The following PLCL1 variants were observed in gnomAD, a reference collection of about 807,000 sequenced individuals.
PLCL1 encodes the protein inactive phospholipase C-like protein 1.
PLCL1 carries 41 observed loss-of-function variants against 84.4 expected under a neutral mutation model. The observed-to-expected ratio is 0.49, with a 90% CI of 0.38 to 0.63. The LOEUF is 0.63. Among genes scored for constraint, PLCL1 ranks in the 30% least tolerant of loss-of-function variants. The pLI is 0.00. For missense variants in PLCL1, 1,206 were observed against 1,367.8 expected (o/e 0.88, Z 1.87); for synonymous variants, 490 against 488.3 (o/e 1.00, Z -0.05).
chr2:197,859,939 A>T (rs956140451), intron 1 of PLCL1, among the ~76,000 whole-genome samples: 7 of 152,124 alleles, frequency 4.6e-5, no homozygotes, highest in African/African-American at 1.7e-4. Flanking sequence ...AACTTGTGTC[A>T]CAGGGGTTTG....
chr2:197,940,060 T>C (rs1001026576), intron 1 of PLCL1, among the ~76,000 whole-genome samples: 2 of 152,228 alleles, frequency 1.3e-5, no homozygotes, highest in African/African-American at 2.4e-5. Flanking sequence ...AATATGTGTT[T>C]CTTAACTGTA....
intron 1 of PLCL1, among the ~76,000 whole-genome samples, chr2:197,971,060 C>T (rs866059713): frequency 6.6e-6 from 1 of 152,316 alleles, no homozygotes; most frequent in Non-Finnish European, 1.5e-5. Flanking sequence ...TTAGCAAGGT[C>T]ACTCCTTATG....
At chr2:197,955,577 C>T (rs559121548) in intron 1 of PLCL1, among the ~76,000 whole-genome samples, 1 of 151,304 alleles carries the variant, frequency 6.6e-6, no homozygotes, top group African/African-American at 2.4e-5. Context: ...TGTGTTGTTC[C>T]CCTCTCTGTG....
In PLCL1 at chr2:197,804,819, C is replaced by A; in HGVS notation, c.-281C>A. ...GGATACCTCCCTCTCTTTTTCGCCT[C>A]TCCTTCTGCCTCCCGCTCACATCGC... On this transcript the variant is annotated 5_prime_UTR_variant, in exon 1 of 6. Coordinates refer to ENST00000428675, the MANE Select transcript of PLCL1 (RefSeq NM_006226.4). The A allele has an allele frequency of 2.8e-6, 1 of 361,364 alleles. No individual in the cohort carries two copies. Among genetic ancestry groups the A allele is most frequent in the South Asian group, 7.3e-5 (1 of 13,704 alleles). The allele number at this position is 361,364 out of a possible 1,614,324, so 22.4% of individuals were successfully genotyped here. A position where few individuals can be genotyped will look rare whatever the true frequency, so the allele number is the denominator to read the frequency against.
At chr2:198,063,078 C>T (rs772763044) in intron 1 of PLCL1, among the ~76,000 whole-genome samples, 13 of 152,170 alleles carry the variant, frequency 8.5e-5, no homozygotes, top group Non-Finnish European at 1.8e-4. Context: ...AGATGAGACA[C>T]ATCTGGGTTC....
chr2:198,083,788 A>C lies in PLCL1; in HGVS notation c.271A>C (p.Lys91Gln). ...TTCAAACCAAAAATGTGGTGGAAGA[A>C]AGAAAACCGTGTCTTTCAGCAGCAT... is the stretch of plus-strand genomic sequence containing the variant. ...DPSNQKCGGRKKTVSFSSMPS... is the reference protein window; with the variant it reads ...DPSNQKCGGRQKTVSFSSMPS... Residue 91 changes from lysine (K) to glutamine (Q), a missense_variant, in exon 2 of 6, where the codon AAG becomes CAG. Lys to Gln is a moderately conservative substitution (Grantham distance 53). Transcript: ENST00000428675. 6.3e-7 allele frequency: 1 copy of C among 1,589,194 alleles called. No homozygotes were observed. Among genetic ancestry groups the C allele is most frequent in the Non-Finnish European group, 8.6e-7 (1 of 1,168,310 alleles).
chr2:198,100,891 A>T (rs1416392154), intron 3 of PLCL1, among the ~76,000 whole-genome samples: 1 of 152,062 alleles, frequency 6.6e-6, no homozygotes, highest in East Asian at 1.9e-4. Flanking sequence ...AGGATAAAAA[A>T]CCCTATTCTG....
chr2:198,089,988 G>C (rs1018885873), intron 3 of PLCL1, among the ~76,000 whole-genome samples: 1 of 152,048 alleles, frequency 6.6e-6, no homozygotes, highest in African/African-American at 2.4e-5. Context: ...ACTTCTAGTG[G>C]AAAAATAAAT....
At chr2:197,970,017 A>G (rs565653438) in intron 1 of PLCL1, among the ~76,000 whole-genome samples, 39 of 152,316 alleles carry the variant, frequency 2.6e-4, no homozygotes, top group Admixed American at 2.4e-3. Flanking sequence ...GTACTTTCCA[A>G]TATGATAGCC....
chr2:197,841,141 G>A lies in PLCL1; in HGVS notation c.240+35802G>A, dbSNP rs758645368. 2.6e-3 allele frequency among the ~76,000 whole-genome samples: 403 copies of A among 152,234 alleles called. 4 individuals are homozygous for A. Among genetic ancestry groups the A allele is most frequent in the African/African-American group, 9.3e-3 (388 of 41,548 alleles). On this transcript the variant is annotated intron_variant, in intron 1 of 5. Coordinates refer to ENST00000428675, the MANE Select transcript of PLCL1 (RefSeq NM_006226.4). ...CCCCTATAATTAATGTCTTGCATTA[G>A]TGTGATACATTTGTTACTTTGATAA...
chr2:197,897,177 CTT>C (rs1559038625), intron 1 of PLCL1, among the ~76,000 whole-genome samples: 350 of 28,670 alleles, frequency 0.012, 5 homozygotes, highest in African/African-American at 0.021. Context: ...TCTTCTTCTT[CTT>C]CTTCTTCTTC....
Position 198,089,015 on chromosome 2 carries a change from G to A in PLCL1, c.2873G>A (p.Gly958Asp), listed in dbSNP as rs1383775052. 1 of 1,614,008 alleles carries A rather than the reference G, an allele frequency of 6.2e-7. No homozygotes were observed. Among genetic ancestry groups the A allele is most frequent in the Non-Finnish European group, 8.5e-7 (1 of 1,179,900 alleles). Residue 958 changes from glycine (G) to aspartate (D), a missense_variant, in exon 3 of 6, where the codon GGT (glycine) becomes GAT (aspartate). Transcript: ENST00000428675. ...KDSFPYLEPL[G>D]AIPDVQKKML... ...AGCTTTCCTTACCTGGAGCCTCTGG[G>A]TGCAATTCCAGATGTGCAGAAAAAG... is the stretch of plus-strand genomic sequence containing the variant.
At chr2:197,821,098 C>G (rs1320356776) in intron 1 of PLCL1, among the ~76,000 whole-genome samples, 2 of 152,090 alleles carry the variant, frequency 1.3e-5, no homozygotes, top group Admixed American at 1.3e-4. Flanking sequence ...TAGTTTTCTT[C>G]AAGTTCTCTT....
intron 1 of PLCL1, among the ~76,000 whole-genome samples, chr2:198,076,541 C>G (rs1179376642): frequency 2.0e-5 from 3 of 152,142 alleles, no homozygotes; most frequent in Non-Finnish European, 4.4e-5. Flanking sequence ...CATAAAATAA[C>G]TGTTCAGATC....
At chr2:197,935,416 T>C (rs981370860) in intron 1 of PLCL1, among the ~76,000 whole-genome samples, 1 of 152,156 alleles carries the variant, frequency 6.6e-6, no homozygotes, top group Admixed American at 6.5e-5. Context: ...CACCATAGGA[T>C]GCTATTAATA....
Position 198,147,117 on chromosome 2 carries a change from T to A in PLCL1, c.*155T>A. On this transcript the variant is annotated 3_prime_UTR_variant, in exon 6 of 6. Coordinates refer to ENST00000428675, the MANE Select transcript of PLCL1 (RefSeq NM_006226.4). ...TCACAATGTCAGTATTTCAGTGTAGTTAATTTATCTAAATTAAAGCCTTTA... is the reference window on the plus strand; with the variant it reads ...TCACAATGTCAGTATTTCAGTGTAGATAATTTATCTAAATTAAAGCCTTTA... 2 of 592,832 alleles carry A rather than the reference T, an allele frequency of 3.4e-6. No homozygotes were observed. Among genetic ancestry groups the A allele is most frequent in the South Asian group, 5.6e-5 (2 of 36,008 alleles). 36.7% of individuals were successfully genotyped at this position (592,832 alleles called of 1,614,324 possible). A position where few individuals can be genotyped will look rare whatever the true frequency, so the allele number is the denominator to read the frequency against.
chr2:197,853,162 T>G (rs1222667395), intron 1 of PLCL1, among the ~76,000 whole-genome samples: 1 of 152,246 alleles, frequency 6.6e-6, no homozygotes, highest in Non-Finnish European at 1.5e-5. Context: ...CATAATGTCT[T>G]TAAGGCTCAT....
intron 1 of PLCL1, among the ~76,000 whole-genome samples, chr2:197,892,479 T>G (rs1688049825): frequency 6.6e-6 from 1 of 152,246 alleles, no homozygotes; most frequent in Non-Finnish European, 1.5e-5. Context: ...AGCTGGGCTT[T>G]AAGTGGCTAC....
At chr2:197,894,352 C>T (rs1688091726) in intron 1 of PLCL1, among the ~76,000 whole-genome samples, 1 of 151,954 alleles carries the variant, frequency 6.6e-6, no homozygotes, top group African/African-American at 2.4e-5. Flanking sequence ...ATTGAGTGCA[C>T]ATCCTCATAG....
Sources: gnomAD v4.1 joint callset for allele counts (sites outside exome capture counted in the v4.1 genomes callset) on GRCh38, gnomAD v4.1.1 for gene constraint, MANE v1.5 for transcripts, NCBI Gene and HGNC (gene_info 2026-07-23, HGNC 2026-07-21) for gene names.